Variants in SLC8A1 observed in about 807,000 individuals in gnomAD.
SLC8A1 encodes solute carrier family 8 member A1, also known as sodium/calcium exchanger 1.
In SLC8A1, 18 loss-of-function variants were observed where a neutral mutation model predicts 68.3. That is an observed-to-expected ratio of 0.26 (90% CI 0.18 to 0.39). SLC8A1 has a LOEUF of 0.39. Ranked by LOEUF, SLC8A1 falls within the 10% of genes least tolerant of loss-of-function variation. SLC8A1 has a pLI of 1.00. For missense variants in SLC8A1, 985 were observed against 1,156.7 expected (o/e 0.85, Z 2.15); for synonymous variants, 475 against 415.5 (o/e 1.14, Z -1.74).
intron 2 of SLC8A1, among the ~76,000 whole-genome samples, chr2:40,299,851 G>A (rs969839565): frequency 6.6e-6 from 1 of 152,100 alleles, no homozygotes; most frequent in Non-Finnish European, 1.5e-5. Context: ...CCTACTAATC[G>A]GTTTAGAGTT....
chr2:40,378,036 T>C (rs191822313), intron 2 of SLC8A1, among the ~76,000 whole-genome samples: 20 of 152,278 alleles, frequency 1.3e-4, no homozygotes, highest in Non-Finnish European at 1.2e-4. Flanking sequence ...TCATCAAATA[T>C]GTATTAATAA....
At chr2:40,471,019 T>TA (rs1703960575) in intron 1 of SLC8A1, among the ~76,000 whole-genome samples, 1 of 152,192 alleles carries the variant, frequency 6.6e-6, no homozygotes, top group Non-Finnish European at 1.5e-5. Flanking sequence ...ACCCAGCTTT[T>TA]AAAATGGGAA....
At chr2:40,397,139 A>G (rs1258300370) in intron 2 of SLC8A1, among the ~76,000 whole-genome samples, 4 of 152,144 alleles carry the variant, frequency 2.6e-5, no homozygotes, top group African/African-American at 9.7e-5. Context: ...GAGAACAGAT[A>G]CACAGTGTTT....
intron 1 of SLC8A1, among the ~76,000 whole-genome samples, chr2:40,488,015 C>A (rs535020043): frequency 2.6e-5 from 4 of 152,146 alleles, no homozygotes; most frequent in African/African-American, 9.6e-5. Context: ...TTAAAGCCAG[C>A]TGACTGAATA....
At chr2:40,220,147 G>GGT (rs2058101396) in intron 2 of SLC8A1, 1 of 74,310 alleles carries the variant, frequency 1.3e-5, no homozygotes, top group African/African-American at 4.8e-5. Flanking sequence ...AACAAAATAG[G>GGT]CTTTTTTTTT....
chr2:40,133,700 A>ACCC (rs1371499650), intron 7 of SLC8A1, among the ~76,000 whole-genome samples: 3 of 106,570 alleles, frequency 2.8e-5, no homozygotes, highest in Non-Finnish European at 3.9e-5. Context: ...TGGGGCAAAA[A>ACCC]TCCCCCCCCC....
chr2:40,487,690 A>G (rs971792652), intron 1 of SLC8A1, among the ~76,000 whole-genome samples: 2 of 152,192 alleles, frequency 1.3e-5, no homozygotes, highest in African/African-American at 4.8e-5. Flanking sequence ...GTCTACTCCC[A>G]CTACTTTAGT....
At chr2:40,359,435 G>C (rs2149474416) in intron 2 of SLC8A1, among the ~76,000 whole-genome samples, 1 of 152,270 alleles carries the variant, frequency 6.6e-6, no homozygotes, top group Middle Eastern at 3.4e-3. Context: ...GTGAAAAAGG[G>C]TTTTTGTCCT....
intron 2 of SLC8A1, among the ~76,000 whole-genome samples, chr2:40,222,939 C>T (rs1043021363): frequency 6.6e-6 from 1 of 152,076 alleles, no homozygotes; most frequent in African/African-American, 2.4e-5. Context: ...ATTAGTTCAA[C>T]CATTGTGGAA....
intron 2 of SLC8A1, among the ~76,000 whole-genome samples, chr2:40,243,985 C>A (rs1237432308): frequency 6.6e-6 from 1 of 152,102 alleles, no homozygotes; most frequent in Non-Finnish European, 1.5e-5. Context: ...TGTGACATTT[C>A]TGAGTAATTA....
At chr2:40,128,459 A>G (rs1399738783) in intron 7 of SLC8A1, among the ~76,000 whole-genome samples, 1 of 152,220 alleles carries the variant, frequency 6.6e-6, no homozygotes, top group Non-Finnish European at 1.5e-5. Context: ...TTTAGGAGCC[A>G]GCAGTCAGCA....
At position 40,208,871 on chromosome 2, in the gene SLC8A1, T is replaced by G. The variant is rs145063730; in HGVS notation, c.1809-31016A>C. On this transcript the variant is annotated intron_variant, in intron 2 of 7. Transcript: ENST00000406785. ...ACACTGAGCACCAATAAATGCTTACTTTTCAAGGGAAAAGAATCCAAGAAT... is the reference window on the plus strand; with the variant it reads ...ACACTGAGCACCAATAAATGCTTACGTTTCAAGGGAAAAGAATCCAAGAAT... Among the ~76,000 whole-genome samples the G allele has an allele frequency of 6.3e-3, 956 of 152,286 alleles. 8 individuals are homozygous for G. Among genetic ancestry groups the G allele is most frequent in the African/African-American group, 0.022 (917 of 41,562 alleles).
chr2:40,156,853 T>G (rs2044625023), intron 6 of SLC8A1, among the ~76,000 whole-genome samples: 1 of 152,192 alleles, frequency 6.6e-6, no homozygotes, highest in Non-Finnish European at 1.5e-5. Context: ...GCACAATGCA[T>G]GCATGTCTCT....
At chr2:40,209,891 A>G (rs2056256713) in intron 2 of SLC8A1, 1 of 152,402 alleles carries the variant, frequency 6.6e-6, no homozygotes, top group African/African-American at 2.4e-5. Context: ...TGGCAGAGGA[A>G]ATGGACTAGG....
At chr2:40,194,020 A>G (rs538779640) in intron 2 of SLC8A1, among the ~76,000 whole-genome samples, 55 of 152,236 alleles carry the variant, frequency 3.6e-4, no homozygotes, top group African/African-American at 1.3e-3. Context: ...GCTTTCTCTG[A>G]GTTCCTCTGC....
At chr2:40,176,777 T>A (rs1199181685) in intron 3 of SLC8A1, among the ~76,000 whole-genome samples, 1 of 152,226 alleles carries the variant, frequency 6.6e-6, no homozygotes, top group Admixed American at 6.5e-5. Context: ...TCTCATTATA[T>A]CATACTGCTC....
At chr2:40,296,966 A>G (rs2070512647) in intron 2 of SLC8A1, among the ~76,000 whole-genome samples, 1 of 152,162 alleles carries the variant, frequency 6.6e-6, no homozygotes, top group Non-Finnish European at 1.5e-5. Context: ...TGATAATGGT[A>G]ATGAGCTACA....
At chr2:40,265,665 T>C (rs1213690637) in intron 2 of SLC8A1, among the ~76,000 whole-genome samples, 2 of 152,178 alleles carry the variant, frequency 1.3e-5, no homozygotes, top group East Asian at 3.8e-4. Flanking sequence ...AAATGATTTA[T>C]GTGATGTTTT....
At chr2:40,255,416 C>G (rs781111256) in intron 2 of SLC8A1, among the ~76,000 whole-genome samples, 1 of 152,116 alleles carries the variant, frequency 6.6e-6, no homozygotes, top group African/African-American at 2.4e-5. Context: ...CATGTATATT[C>G]AAAGGGAAAA....
Sources: allele counts gnomAD v4.1 joint callset (sites outside exome capture counted in the v4.1 genomes callset), GRCh38; gene constraint gnomAD v4.1.1; transcripts MANE v1.5; gene names NCBI Gene and HGNC (gene_info 2026-07-23, HGNC 2026-07-21).